The following RAPGEF2 variants were observed in gnomAD, a reference collection of about 807,000 sequenced individuals.
The protein encoded by RAPGEF2 is Rap guanine nucleotide exchange factor 2, also known as PDZ domain containing guanine nucleotide exchange factor (GEF) 1.
RAPGEF2 carries 54 observed loss-of-function variants against 186.7 expected under a neutral mutation model. The observed-to-expected ratio is 0.29, with a 90% CI of 0.23 to 0.36. The LOEUF (loss-of-function observed/expected upper bound fraction) is 0.36, where lower values mean the gene tolerates loss of function less well. Ranked by LOEUF, RAPGEF2 falls within the 10% of genes least tolerant of loss-of-function variation. RAPGEF2 has a pLI of 1.00. For missense variants in RAPGEF2, 1,532 were observed against 2,045.0 expected (o/e 0.75, Z 4.84); for synonymous variants, 712 against 705.9 (o/e 1.01, Z -0.14).
intron 1 of RAPGEF2, among the ~76,000 whole-genome samples, chr4:159,177,588 C>T (rs1438947009): frequency 1.3e-5 from 2 of 152,186 alleles, no homozygotes; most frequent in African/African-American, 4.8e-5. Flanking sequence ...TTACATCTCT[C>T]TCCTTCTTAG....
At chr4:159,235,204 T>G (rs2111452434) in intron 4 of RAPGEF2, among the ~76,000 whole-genome samples, 2 of 152,372 alleles carry the variant, frequency 1.3e-5, no homozygotes, top group Non-Finnish European at 2.9e-5. Flanking sequence ...TTTGATTTTC[T>G]ATAAGGGCAT....
chr4:159,124,124 G>A (rs1740024957), intron 1 of RAPGEF2, among the ~76,000 whole-genome samples: 1 of 152,000 alleles, frequency 6.6e-6, no homozygotes, highest in South Asian at 2.1e-4. Flanking sequence ...CAAAGTGCTG[G>A]GATTACGGGC....
At chr4:159,281,269 T>G (rs958457925) in intron 7 of RAPGEF2, among the ~76,000 whole-genome samples, 1 of 151,884 alleles carries the variant, frequency 6.6e-6, no homozygotes, top group African/African-American at 2.4e-5. Context: ...GGATTACAGG[T>G]GTGAGCCACC....
chr4:159,210,856 C>T (rs563475308), intron 4 of RAPGEF2, among the ~76,000 whole-genome samples: 2 of 152,102 alleles, frequency 1.3e-5, no homozygotes, highest in Non-Finnish European at 2.9e-5. Context: ...CACATTTGCT[C>T]CTAGGGAATA....
At chr4:159,150,559 A>T (rs1278492036) in intron 1 of RAPGEF2, among the ~76,000 whole-genome samples, 2 of 152,160 alleles carry the variant, frequency 1.3e-5, no homozygotes, top group Non-Finnish European at 2.9e-5. Flanking sequence ...GAATGGGAAA[A>T]ACCTGAGACC....
At chr4:159,176,902 G>A (rs542942231) in intron 1 of RAPGEF2, among the ~76,000 whole-genome samples, 1 of 152,194 alleles carries the variant, frequency 6.6e-6, no homozygotes, top group South Asian at 2.1e-4. Flanking sequence ...AGCTATGGAA[G>A]GTAAACTTAC....
At chr4:159,179,098 G>T (rs1561050767) in intron 1 of RAPGEF2, among the ~76,000 whole-genome samples, 1 of 152,126 alleles carries the variant, frequency 6.6e-6, no homozygotes, top group Admixed American at 6.6e-5. Flanking sequence ...GTCCTTCCTA[G>T]GGTAAAACGA....
At chr4:159,280,180 A>G (rs1759503545) in intron 7 of RAPGEF2, among the ~76,000 whole-genome samples, 1 of 152,186 alleles carries the variant, frequency 6.6e-6, no homozygotes, top group African/African-American at 2.4e-5. Flanking sequence ...TAGTTAGATA[A>G]GTAATTTATA....
At chr4:159,124,264 G>A (rs1740040367) in intron 1 of RAPGEF2, among the ~76,000 whole-genome samples, 1 of 151,968 alleles carries the variant, frequency 6.6e-6, no homozygotes, top group Non-Finnish European at 1.5e-5. Context: ...AGTCGGCCAG[G>A]TGTGGTGGCT....
At chr4:159,269,547 A>T (rs1409216302) in intron 7 of RAPGEF2, among the ~76,000 whole-genome samples, 1 of 152,134 alleles carries the variant, frequency 6.6e-6, no homozygotes. Flanking sequence ...TGTAGTCATG[A>T]TTTTCCAGGT....
At chr4:159,204,190 G>T (rs1474386843) in intron 3 of RAPGEF2, among the ~76,000 whole-genome samples, 4 of 152,240 alleles carry the variant, frequency 2.6e-5, no homozygotes, top group Non-Finnish European at 5.9e-5. Context: ...TCAGGAATAA[G>T]AAATCATTAC....
intron 4 of RAPGEF2, among the ~76,000 whole-genome samples, chr4:159,233,174 C>A (rs1752839360): frequency 6.6e-6 from 1 of 152,116 alleles, no homozygotes; most frequent in African/African-American, 2.4e-5. Context: ...TTTAGTTTAT[C>A]TATGTTTATT....
At chr4:159,256,790 T>C (rs529717438) in intron 7 of RAPGEF2, among the ~76,000 whole-genome samples, 1 of 152,366 alleles carries the variant, frequency 6.6e-6, no homozygotes, top group African/African-American at 2.4e-5. Context: ...ATTTCTCTAA[T>C]GATCAGTGAT....
intron 7 of RAPGEF2, among the ~76,000 whole-genome samples, chr4:159,286,451 A>G (rs150855807): frequency 1.4e-3 from 218 of 152,226 alleles, no homozygotes; most frequent in Non-Finnish European, 2.6e-3. Flanking sequence ...TATTCTTCAC[A>G]TTTATAAAAT....
At chr4:159,130,052 A>G (rs1740851484) in intron 1 of RAPGEF2, among the ~76,000 whole-genome samples, 1 of 152,204 alleles carries the variant, frequency 6.6e-6, no homozygotes, top group African/African-American at 2.4e-5. Flanking sequence ...CCATACAGGG[A>G]AACTTCCAGA....
intron 6 of RAPGEF2, 122 bp downstream of exon 6, chr4:159,241,490 T>G: frequency 2.9e-6 from 1 of 341,644 alleles, no homozygotes; most frequent in Non-Finnish European, 5.0e-6. Context: ...ACACACACAT[T>G]AAGTATACTT....
At chr4:159,224,491 A>G (rs971464950) in intron 4 of RAPGEF2, among the ~76,000 whole-genome samples, 1 of 152,200 alleles carries the variant, frequency 6.6e-6, no homozygotes, top group Admixed American at 6.5e-5. Context: ...CTTTCAAAGT[A>G]ATTGCCCAAG....
intron 4 of RAPGEF2, among the ~76,000 whole-genome samples, chr4:159,228,826 G>T (rs896678060): frequency 6.6e-6 from 1 of 152,042 alleles, no homozygotes; most frequent in Non-Finnish European, 1.5e-5. Flanking sequence ...ATTAAGAAAA[G>T]ATTACATGTA....
At chr4:159,106,381 CTTATAAAAA>C (rs1351661623) in intron 1 of RAPGEF2, among the ~76,000 whole-genome samples, 1 of 151,720 alleles carries the variant, frequency 6.6e-6, no homozygotes, top group Admixed American at 6.6e-5. Context: ...CAGGAGTAAT[CTTATAAAAA>C]TTTGAAATTT....
Sources: allele counts gnomAD v4.1 joint callset (sites outside exome capture counted in the v4.1 genomes callset), GRCh38; gene constraint gnomAD v4.1.1; transcripts MANE v1.5; gene names NCBI Gene and HGNC (gene_info 2026-07-23, HGNC 2026-07-21).